KCNIP4: variants seen among roughly 807,000 people sequenced by gnomAD.
KCNIP4 encodes the protein Kv channel-interacting protein 4.
KCNIP4 carries 12 observed loss-of-function variants against 34.0 expected under a neutral mutation model. The ratio of observed to expected loss-of-function variants is 0.35; its 90% confidence interval spans 0.23 to 0.57. KCNIP4 has a LOEUF of 0.57. Among genes scored for constraint, KCNIP4 ranks in the 20% least tolerant of loss-of-function variants. The pLI, the probability that KCNIP4 is intolerant of heterozygous loss-of-function variation, is 0.83. For missense variants in KCNIP4, 238 were observed against 311.7 expected, an observed-to-expected ratio of 0.76 and a Z score of 1.78; for synonymous variants, 124 against 102.2, an observed-to-expected ratio of 1.21 and a Z score of -1.29.
At chr4:21,739,448 T>C (rs999014889) in intron 1 of KCNIP4, among the ~76,000 whole-genome samples, 2 of 152,090 alleles carry the variant, frequency 1.3e-5, no homozygotes, top group Non-Finnish European at 2.9e-5. Context: ...AGCTCTCAGA[T>C]GGTTCTATCT....
At chr4:21,452,784 G>A (rs1196205790) in intron 1 of KCNIP4, among the ~76,000 whole-genome samples, 1 of 149,526 alleles carries the variant, frequency 6.7e-6, no homozygotes, top group Non-Finnish European at 1.5e-5. Flanking sequence ...AAAAAAAAAA[G>A]AGAAGGAAAA....
chr4:21,141,838 A>G (rs1275082090), intron 1 of KCNIP4, among the ~76,000 whole-genome samples: 1 of 151,902 alleles, frequency 6.6e-6, no homozygotes, highest in East Asian at 1.9e-4. Context: ...ATATAGTTTC[A>G]GGATAAGGAG....
chr4:21,913,542 T>C (rs1728458829), intron 1 of KCNIP4, among the ~76,000 whole-genome samples: 1 of 152,078 alleles, frequency 6.6e-6, no homozygotes, highest in Non-Finnish European at 1.5e-5. Flanking sequence ...ATTTCTGTTC[T>C]TTACAAATTA....
chr4:21,447,902 T>C (rs948684585), intron 1 of KCNIP4, among the ~76,000 whole-genome samples: 2 of 152,124 alleles, frequency 1.3e-5, no homozygotes, highest in African/African-American at 4.8e-5. Context: ...TGCACAAGAT[T>C]TCATTATGCT....
intron 1 of KCNIP4, among the ~76,000 whole-genome samples, chr4:21,274,216 T>C (rs1243830096): frequency 6.6e-6 from 1 of 152,202 alleles, no homozygotes; most frequent in Non-Finnish European, 1.5e-5. Flanking sequence ...TTCCACTTGC[T>C]GTGAAGTACC....
chr4:21,552,077 C>T (rs1738635135), intron 1 of KCNIP4, among the ~76,000 whole-genome samples: 1 of 149,618 alleles, frequency 6.7e-6, no homozygotes, highest in Non-Finnish European at 1.5e-5. Context: ...AAAAAAAAAC[C>T]TTTGTGTTAC....
chr4:20,853,605 C>CCAAAG (rs1553906605), intron 2 of KCNIP4, among the ~76,000 whole-genome samples: 1 of 151,118 alleles, frequency 6.6e-6, no homozygotes, highest in Non-Finnish European at 1.5e-5. Flanking sequence ...GACCAAGAAC[C>CCAAAG]CAAAAGCAAA....
intron 3 of KCNIP4, among the ~76,000 whole-genome samples, chr4:20,838,661 C>T (rs1253720969): frequency 6.6e-6 from 1 of 152,040 alleles, no homozygotes; most frequent in Non-Finnish European, 1.5e-5. Context: ...TGACACTGAC[C>T]CAGTTTATAG....
intron 1 of KCNIP4, among the ~76,000 whole-genome samples, chr4:21,156,257 G>A (rs1218946709): frequency 2.6e-5 from 4 of 152,150 alleles, no homozygotes; most frequent in African/African-American, 9.6e-5. Context: ...GTCTAGCCAG[G>A]AACTGCATTT....
At chr4:21,795,751 C>T (rs1316671383) in intron 1 of KCNIP4, among the ~76,000 whole-genome samples, 1 of 152,048 alleles carries the variant, frequency 6.6e-6, no homozygotes, top group Non-Finnish European at 1.5e-5. Context: ...AACTGAAACA[C>T]ACTTTCTTCT....
chr4:21,300,220 A>G (rs1711525893), intron 1 of KCNIP4, among the ~76,000 whole-genome samples: 1 of 152,198 alleles, frequency 6.6e-6, no homozygotes, highest in Non-Finnish European at 1.5e-5. Flanking sequence ...TTGCTTTGCC[A>G]TTAAAATTTT....
At chr4:21,519,863 TTA>T (rs150962147) in intron 1 of KCNIP4, among the ~76,000 whole-genome samples, 25,416 of 146,140 alleles carry the variant, frequency 0.17, 2,629 homozygotes, top group Middle Eastern at 0.27. Context: ...ATATATTTAT[TTA>T]TATATATAAA....
intron 3 of KCNIP4, among the ~76,000 whole-genome samples, chr4:20,768,220 G>A (rs933560310): frequency 6.6e-6 from 1 of 152,118 alleles, no homozygotes; most frequent in African/African-American, 2.4e-5. Context: ...TAAATCTTCA[G>A]TCAGTTCTTA....
chr4:21,681,071 C>A (rs1377454604), intron 1 of KCNIP4, among the ~76,000 whole-genome samples: 3 of 151,968 alleles, frequency 2.0e-5, no homozygotes, highest in East Asian at 1.9e-4. Flanking sequence ...CAATATAAAT[C>A]TTTTTCTTTA....
chr4:21,357,916 A>T (rs909835077), intron 1 of KCNIP4, among the ~76,000 whole-genome samples: 6 of 152,176 alleles, frequency 3.9e-5, no homozygotes, highest in Non-Finnish European at 8.8e-5. Context: ...CTTGGAACTA[A>T]CCCAAATGTC....
rs1011819006 is a variant in KCNIP4 at position 21,370,678 on chromosome 4, G to C, written c.62-487969C>G. On this transcript the variant is annotated intron_variant, in intron 1 of 8. Coordinates refer to ENST00000382152, the MANE Select transcript of KCNIP4 (RefSeq NM_025221.6). Reference sequence around the variant, plus strand: ...GGACATATAAGCTCTGAAGCGCTGAGAGTGAGCCATTTGGGATATCTAGCA... The same window carrying C: ...GGACATATAAGCTCTGAAGCGCTGACAGTGAGCCATTTGGGATATCTAGCA... Among the ~76,000 whole-genome samples the C allele has an allele frequency of 1.4e-4, 20 of 140,356 alleles. 1 individual carries two copies. Among genetic ancestry groups the C allele is most frequent in the Middle Eastern group, 3.4e-3 (1 of 292 alleles). 92.1% of individuals were successfully genotyped at this position (140,356 alleles called of 152,430 possible).
In KCNIP4 at chr4:21,158,522, A is replaced by G. The variant is rs73805030; in HGVS notation, c.62-275813T>C. On this transcript the variant is annotated intron_variant, in intron 1 of 8. Coordinates refer to ENST00000382152, the MANE Select transcript of KCNIP4 (RefSeq NM_025221.6). ...TAGAAAATCAGTGTCTGTAATTTACAATATTAACAAACTAAAAAAGTGATT... is the reference window on the plus strand; with the variant it reads ...TAGAAAATCAGTGTCTGTAATTTACGATATTAACAAACTAAAAAAGTGATT... Among the ~76,000 whole-genome samples, 589 of 152,306 alleles carry G rather than the reference A, an allele frequency of 3.9e-3. 5 individuals carry two copies. The highest frequency in any genetic ancestry group is 0.013 in the African/African-American group (533 of 41,576).
At chr4:20,806,831 G>T in intron 3 of KCNIP4, among the ~76,000 whole-genome samples, 1 of 152,114 alleles carries the variant, frequency 6.6e-6, no homozygotes, top group Non-Finnish European at 1.5e-5. Flanking sequence ...ACTGGGTTTT[G>T]AAACAAGGGG....
chr4:21,714,869 AT>A (rs1189299448), intron 1 of KCNIP4, among the ~76,000 whole-genome samples: 2 of 464 alleles, frequency 4.3e-3, no homozygotes, highest in Non-Finnish European at 6.3e-3. Flanking sequence ...ATTTTATTTT[AT>A]TTTATTTTAT....
Sources: allele counts gnomAD v4.1 joint callset (sites outside exome capture counted in the v4.1 genomes callset), GRCh38; gene constraint gnomAD v4.1.1; transcripts MANE v1.5; gene names NCBI Gene and HGNC (gene_info 2026-07-23, HGNC 2026-07-21).